The following PANK4 variants were observed in gnomAD, a reference collection of about 807,000 sequenced individuals.
The protein encoded by PANK4 is pantothenate kinase 4 (inactive), also known as 4'-phosphopantetheine phosphatase.
PANK4 carries 40 observed loss-of-function variants against 87.9 expected under a neutral mutation model. The observed-to-expected ratio is 0.46, with a 90% CI of 0.35 to 0.59. The LOEUF (loss-of-function observed/expected upper bound fraction) is 0.59. Among genes scored for constraint, PANK4 ranks in the 20% least tolerant of loss-of-function variants. The pLI is 0.00. For synonymous variants in PANK4, 524 were observed against 467.4 expected (o/e 1.12, Z -1.56); for missense variants, 926 against 1,072.3 (o/e 0.86, Z 1.90).
chr1:2,520,256 G>A lies in PANK4; in HGVS notation c.699+66C>T, dbSNP rs1375948968. ...CAGCTTTTGCACCGCCCAGCTGCAG[G>A]CCTTCGGGGGAAGGAAGCAGACATC... On this transcript the variant is annotated intron_variant, in intron 5 of 18. Transcript: ENST00000378466. The surrounding 1 kb of genome is among the most constrained non-coding windows in gnomAD (Gnocchi z 6.2). The A allele has an allele frequency of 4.1e-6, 6 of 1,449,188 alleles. No individual in the cohort carries two copies. The highest frequency in any genetic ancestry group is 5.8e-6 in the Non-Finnish European group (6 of 1,032,158). The allele number at this position is 1,449,188 out of a possible 1,614,324, so 89.8% of individuals were successfully genotyped here. A position where few individuals can be genotyped will look rare whatever the true frequency, so the allele number is the denominator to read the frequency against.
chr1:2,526,440 G>T (rs1189884444), intron 1 of PANK4, 24 bp downstream of exon 1: 1 of 1,299,948 alleles, frequency 7.7e-7, no homozygotes, highest in Non-Finnish European at 1.0e-6. Context: ...CGCAGCCCGC[G>T]CCCGGCGCCC....
rs1159998123 is a variant in PANK4, at chr1:2,526,560, CGCTGCCGCT to C, written c.19_27del (p.Ser7_Ser9del). Reference sequence around the variant, plus strand: ...TTGTCCAGACTGTCCCCGCTGCTCCCGCTGCCGCTCGCTCCACACTCCGCCATTTTGAAA... The same window carrying C: ...TTGTCCAGACTGTCCCCGCTGCTCCCCGCTCCACACTCCGCCATTTTGAAA... On this transcript the variant is annotated inframe_deletion, in exon 1 of 19. Transcript: ENST00000378466. The C allele has an allele frequency of 3.1e-6, 5 of 1,602,382 alleles. No homozygotes were observed. In the East Asian group the frequency reaches 1.2e-4, roughly 37 times the overall value.
Position 2,519,190 on chromosome 1 carries a change from G to A in PANK4, c.988C>T (p.Pro330Ser), listed in dbSNP as rs1557444748. The change falls in exon 7 of 19, where the codon CCC becomes TCC. Residue 330 changes from proline to serine, a missense_variant. By Grantham distance (74) the Pro-to-Ser change is moderately conservative. Transcript: ENST00000378466. The surrounding 1 kb of genome is among the most constrained non-coding windows in gnomAD (Gnocchi z 8.3). ...TAGGTGATGGTGCGCATGGTCACGGGGTGGCCCCGGATAAAGAAGCCTCCA... is the reference window on the plus strand; with the variant it reads ...TAGGTGATGGTGCGCATGGTCACGGAGTGGCCCCGGATAAAGAAGCCTCCA... ...YFGGFFIRGH[P>S]VTMRTITYSI... 1 of 1,612,804 alleles carries A rather than the reference G, an allele frequency of 6.2e-7. No individual in the cohort carries two copies. The highest frequency in any genetic ancestry group is 8.5e-7 in the Non-Finnish European group (1 of 1,179,936).
chr1:2,524,180 G>T (rs937687278), intron 1 of PANK4, among the ~76,000 whole-genome samples: 1 of 152,124 alleles, frequency 6.6e-6, no homozygotes, highest in Non-Finnish European at 1.5e-5. Flanking sequence ...GAAATACAAC[G>T]TCCCTGCTGC....
chr1:2,517,296 C>T (rs1428476710), intron 9 of PANK4, among the ~76,000 whole-genome samples: 45 of 152,238 alleles, frequency 3.0e-4, no homozygotes, highest in Admixed American at 2.9e-3. Flanking sequence ...AGGACCCACA[C>T]AAAAGGGAGG....
intron 1 of PANK4, 98 bp from the exon 2 acceptor site, chr1:2,521,898 G>A (rs776009518): frequency 1.2e-5 from 11 of 931,560 alleles, no homozygotes; most frequent in Middle Eastern, 2.1e-4. Flanking sequence ...GGAGACTAAA[G>A]TCTCTGTAGA....
At chr1:2,517,882 TTAGCA>T (rs1349624712) in intron 9 of PANK4, among the ~76,000 whole-genome samples, 1 of 152,204 alleles carries the variant, frequency 6.6e-6, no homozygotes, top group Non-Finnish European at 1.5e-5. Flanking sequence ...CCCCTGAACT[TTAGCA>T]ATCTCTCTGC....
rs1416405599 is a variant in PANK4, at chr1:2,515,037, G to A, written c.1374+525C>T. Among the ~76,000 whole-genome samples, 2 of 152,188 alleles carry A rather than the reference G, an allele frequency of 1.3e-5. No individual in the cohort carries two copies. Among genetic ancestry groups the A allele is most frequent in the Admixed American group, 6.5e-5 (1 of 15,282 alleles). On this transcript the variant is annotated intron_variant, in intron 10 of 18. Transcript: ENST00000378466. This position sits in a 1 kb window ranked among gnomAD's most constrained non-coding sequence, Gnocchi z 5.0. ...ACGACCCGGCCTCTCCGAGGGCTTCGTGAAGAGTGCGTGTTGCTACCGGGG... is the reference window on the plus strand; with the variant it reads ...ACGACCCGGCCTCTCCGAGGGCTTCATGAAGAGTGCGTGTTGCTACCGGGG...
chr1:2,519,793 G>T lies in PANK4; in HGVS notation c.853+8C>A. On this transcript the variant is annotated splice_region_variant and intron_variant, in intron 6 of 18. Transcript: ENST00000378466. This position sits in a 1 kb window ranked among gnomAD's most constrained non-coding sequence, Gnocchi z 8.3. ...CTGCTCTCTGGCGGCAGAGGCCGGG[G>T]TGAGCACCTTGGTCGGCGGTGGCCG... 6.4e-7 allele frequency: 1 copy of T among 1,572,054 alleles called. No homozygotes were observed. Among genetic ancestry groups the T allele is most frequent in the Non-Finnish European group, 8.6e-7 (1 of 1,160,274 alleles).
In PANK4 at chr1:2,520,043, G is replaced by A. The variant is rs908107435; in HGVS notation, c.700-89C>T. The stretch of plus-strand genomic sequence containing the variant: ...AAACCAAGCCCATGGCAGGAGGCAC[G>A]CGCGGGCAGGGGGTAAATGGGCCCT... On this transcript the variant is annotated intron_variant, in intron 5 of 18. Coordinates refer to ENST00000378466, the MANE Select transcript of PANK4 (RefSeq NM_018216.4). The surrounding 1 kb of genome is among the most constrained non-coding windows in gnomAD (Gnocchi z 6.2). The A allele has an allele frequency of 1.6e-5, 21 of 1,290,808 alleles. No individual in the cohort carries two copies. The highest frequency in any genetic ancestry group is 2.2e-5 in the Non-Finnish European group (21 of 950,088). The allele number at this position is 1,290,808 out of a possible 1,614,324, so 80.0% of individuals were successfully genotyped here.
At position 2,510,013 on chromosome 1, in the gene PANK4, C is replaced by G; in HGVS notation, c.2039+44G>C. 1 of 1,575,322 alleles carries G rather than the reference C, an allele frequency of 6.3e-7. No individual in the cohort carries two copies. The highest frequency in any genetic ancestry group is 1.3e-5 in the African/African-American group (1 of 74,152). ...ATGGCCCACTCTGCCCAGCTGGTGC[C>G]CCTCCCCATCAAGGCCCCCCCAGCA... On this transcript the variant is annotated intron_variant, in intron 17 of 18. Coordinates refer to ENST00000378466, the MANE Select transcript of PANK4 (RefSeq NM_018216.4). The surrounding 1 kb of genome is among the most constrained non-coding windows in gnomAD (Gnocchi z 4.9).
intron 12 of PANK4, among the ~76,000 whole-genome samples, chr1:2,513,595 G>A (rs985501339): frequency 1.3e-5 from 2 of 152,234 alleles, no homozygotes; most frequent in Non-Finnish European, 2.9e-5. Context: ...TCCTAGGAGG[G>A]AGCCAGGGTG....
intron 13 of PANK4, among the ~76,000 whole-genome samples, chr1:2,512,062 C>T (rs1570533404): frequency 1.3e-5 from 2 of 152,272 alleles, no homozygotes; most frequent in South Asian, 2.1e-4. Context: ...AAGGTGGACT[C>T]GGAGCCACGG....
rs760324597 is a variant in PANK4 at position 2,514,088 on chromosome 1, C to T, written c.1489G>A (p.Ala497Thr). ...CTGCGCACGGTCAGGGTCCCATAGG[C>T]GCTGGGGACAGACACGGCAGAGGGC... ...KLQTLRQQPF[A>T]YGTLTVRSLL... Residue 497 changes from alanine to threonine, a missense_variant and splice_region_variant, in exon 12 of 19, where the codon GCC becomes ACC. Physicochemically the swap from Ala to Thr is moderately conservative, Grantham distance 58. Transcript: ENST00000378466. 5.6e-6 allele frequency: 9 copies of T among 1,611,514 alleles called. No individual in the cohort carries two copies. Among genetic ancestry groups the T allele is most frequent in the South Asian group, 2.2e-5 (2 of 91,068 alleles).
At position 2,509,679 on chromosome 1, in the gene PANK4, C is replaced by G; in HGVS notation, c.2108+183G>C. 1 of 631,710 alleles carries G rather than the reference C, an allele frequency of 1.6e-6. No homozygotes were observed. The highest frequency in any genetic ancestry group is 2.9e-6 in the Non-Finnish European group (1 of 348,982). 39.1% of individuals were successfully genotyped at this position (631,710 alleles called of 1,614,324 possible). On this transcript the variant is annotated intron_variant, in intron 18 of 18. Transcript: ENST00000378466. This position sits in a 1 kb window ranked among gnomAD's most constrained non-coding sequence, Gnocchi z 4.9. ...ACCTCAGACCCTGAATCCATTCACC[C>G]TCCCCAGGCCACCTTCGGGGATGGC...
Position 2,510,263 on chromosome 1 carries a change from C to T in PANK4, c.1939-106G>A, listed in dbSNP as rs1643638573. The T allele has an allele frequency of 1.3e-6, 1 of 770,068 alleles. No homozygotes were observed. The highest frequency in any genetic ancestry group is 1.7e-5 in the African/African-American group (1 of 58,224). The allele number at this position is 770,068 out of a possible 1,614,324, so 47.7% of individuals were successfully genotyped here. A position where few individuals can be genotyped will look rare whatever the true frequency, so the allele number is the denominator to read the frequency against. On this transcript the variant is annotated intron_variant, in intron 16 of 18. Transcript: ENST00000378466. The surrounding 1 kb of genome is among the most constrained non-coding windows in gnomAD (Gnocchi z 4.9). Reference sequence around the variant, plus strand: ...CTGGGCTGGGTGAGGGTGCTGTGCCCAGCGGGCCTGGCCAGCCACCTGCTG... The same window carrying T: ...CTGGGCTGGGTGAGGGTGCTGTGCCTAGCGGGCCTGGCCAGCCACCTGCTG...
In PANK4 at chr1:2,514,121, A is replaced by G. The variant is rs1384882504; in HGVS notation, c.1488-32T>C. 13 of 1,564,880 alleles carry G rather than the reference A, an allele frequency of 8.3e-6. 1 individual carries two copies. The South Asian group carries it at 1.3e-4, about 16-fold the overall frequency. On this transcript the variant is annotated intron_variant, in intron 11 of 18. Coordinates refer to ENST00000378466, the MANE Select transcript of PANK4 (RefSeq NM_018216.4). Reference sequence around the variant, plus strand: ...ACAGACACGGCAGAGGGCGCTGAGCAGGGCAGGCCGAACACCCGCCCGTCT... The same window carrying G: ...ACAGACACGGCAGAGGGCGCTGAGCGGGGCAGGCCGAACACCCGCCCGTCT...
In PANK4 at chr1:2,520,984, G is replaced by A; in HGVS notation, c.423-78C>T. 6.6e-7 allele frequency: 1 copy of A among 1,526,436 alleles called. No homozygotes were observed. Among genetic ancestry groups the A allele is most frequent in the Non-Finnish European group, 8.9e-7 (1 of 1,120,898 alleles). The allele number at this position is 1,526,436 out of a possible 1,614,324, so 94.6% of individuals were successfully genotyped here. On this transcript the variant is annotated intron_variant, in intron 3 of 18. Coordinates refer to ENST00000378466, the MANE Select transcript of PANK4 (RefSeq NM_018216.4). The surrounding 1 kb of genome is among the most constrained non-coding windows in gnomAD (Gnocchi z 6.2). The stretch of plus-strand genomic sequence containing the variant: ...CCATGCAAGCCTGCCTGGTCCGAAG[G>A]GGCAGCCATGCCCCATGCGCAATCT...
In PANK4 at chr1:2,520,111, C is replaced by T. The variant is rs183048620; in HGVS notation, c.700-157G>A. On this transcript the variant is annotated intron_variant, in intron 5 of 18. Coordinates refer to ENST00000378466, the MANE Select transcript of PANK4 (RefSeq NM_018216.4). This position sits in a 1 kb window ranked among gnomAD's most constrained non-coding sequence, Gnocchi z 6.2. ...GGCAGGAGGCGGCAAGCGGGACCCTCGGGCCACCCAGCCAGGATAGAAGCT... is the reference window on the plus strand; with the variant it reads ...GGCAGGAGGCGGCAAGCGGGACCCTTGGGCCACCCAGCCAGGATAGAAGCT... Among the ~76,000 whole-genome samples, 33 of 152,266 alleles carry T rather than the reference C, an allele frequency of 2.2e-4. No individual in the cohort carries two copies. The highest frequency in any genetic ancestry group is 3.3e-4 in the Admixed American group (5 of 15,308).
Sources: gnomAD v4.1 joint callset for allele counts (sites outside exome capture counted in the v4.1 genomes callset) on GRCh38, gnomAD v4.1.1 for gene constraint, Gnocchi (gnomAD v3.1) non-coding constraint, MANE v1.5 for transcripts, NCBI Gene and HGNC (gene_info 2026-07-23, HGNC 2026-07-21) for gene names.